The following OTUD7A variants were observed in gnomAD, a reference collection of about 807,000 sequenced individuals.
OTUD7A encodes OTU domain-containing protein 7A.
A neutral mutation model predicts 65.7 loss-of-function variants in OTUD7A; 12 were observed. The ratio of observed to expected loss-of-function variants is 0.18; its 90% CI spans 0.12 to 0.30. The LOEUF (loss-of-function observed/expected upper bound fraction) is 0.30. Among genes scored for constraint, OTUD7A ranks in the 10% least tolerant of loss-of-function variants. The pLI, the probability that OTUD7A is intolerant of heterozygous loss-of-function variation, is 1.00. For missense variants in OTUD7A, 1,148 were observed against 1,304.8 expected (o/e 0.88, Z 1.85); for synonymous variants, 641 against 586.3 (o/e 1.09, Z -1.35).
At position 31,731,266 on chromosome 15, in the gene OTUD7A, A is replaced by G. The variant is rs1351250569; in HGVS notation, c.-99-74189T>C. Among the ~76,000 whole-genome samples, 13 of 152,220 alleles carry G rather than the reference A, an allele frequency of 8.5e-5. 1 individual carries two copies. ...TGCATTCTAAAAGAGTAAGATAAGA[A>G]CGCAGATGTTTACAGCAGATTTATT... On this transcript the variant is annotated intron_variant, in intron 1 of 12. Coordinates refer to ENST00000307050, the MANE Select transcript of OTUD7A (RefSeq NM_001382637.1).
chr15:31,749,571 C>T (rs1262339259), intron 1 of OTUD7A, among the ~76,000 whole-genome samples: 1 of 152,110 alleles, frequency 6.6e-6, no homozygotes, highest in Non-Finnish European at 1.5e-5. Flanking sequence ...CAGTAGAGTG[C>T]ATTTTAAAAG....
chr15:31,552,716 C>A (rs1034666650), intron 5 of OTUD7A, among the ~76,000 whole-genome samples: 1 of 152,366 alleles, frequency 6.6e-6, no homozygotes, highest in Admixed American at 6.5e-5. Flanking sequence ...AGGCCCTATG[C>A]CCAGGGTTGC....
intron 4 of OTUD7A, among the ~76,000 whole-genome samples, chr15:31,564,301 G>C (rs1015258900): frequency 6.6e-6 from 1 of 150,802 alleles, no homozygotes; most frequent in Non-Finnish European, 1.5e-5. Flanking sequence ...GAAAATTTAA[G>C]TATACCATGT....
At chr15:31,767,986 C>T in intron 1 of OTUD7A, 1 of 1,578,570 alleles carries the variant, frequency 6.3e-7, no homozygotes, top group Non-Finnish European at 8.7e-7. Context: ...ATTTCCTCAA[C>T]AGTTGTTGCC....
At chr15:31,641,355 T>C (rs868424353) in intron 3 of OTUD7A, among the ~76,000 whole-genome samples, 3 of 152,330 alleles carry the variant, frequency 2.0e-5, no homozygotes, top group East Asian at 3.9e-4. Context: ...TATTTCTTCA[T>C]AGCAATGTGA....
chr15:31,631,602 G>C lies in OTUD7A; in HGVS notation c.151+23494C>G, dbSNP rs1053466528. 1.2e-4 allele frequency among the ~76,000 whole-genome samples: 19 copies of C among 152,178 alleles called. No individual in the cohort carries two copies. In the East Asian group the frequency reaches 3.7e-3, roughly 29 times the overall value. ...TCTTCTCGAGGAGTATCTTTGTGGC[G>C]TTCTCTGTATTTCCTGAATCTGAAT... On this transcript the variant is annotated intron_variant, in intron 3 of 12. Coordinates refer to ENST00000307050, the MANE Select transcript of OTUD7A (RefSeq NM_001382637.1).
rs565301385 is a variant in OTUD7A at position 31,479,975 on chromosome 15, C to T, written c.*3319G>A. 1 of 152,188 alleles carries T rather than the reference C, an allele frequency of 6.6e-6. No homozygotes were observed. The highest frequency in any genetic ancestry group is 2.1e-4 in the South Asian group (1 of 4,806). The allele number at this position is 152,188 out of a possible 1,614,324, so 9.4% of individuals were successfully genotyped here. On this transcript the variant is annotated 3_prime_UTR_variant, in exon 13 of 13. Transcript: ENST00000307050. ...AATCCATGAACAGAAAAAAGGAAAT[C>T]AAGCTTTCAATAAAAAAAGACACTG...
intron 3 of OTUD7A, among the ~76,000 whole-genome samples, chr15:31,642,072 G>C (rs756379751): frequency 4.6e-5 from 7 of 152,192 alleles, no homozygotes; most frequent in Non-Finnish European, 8.8e-5. Flanking sequence ...ATATAAGATT[G>C]AGGAAGTTTT....
chr15:31,599,947 G>T (rs1482292590), intron 3 of OTUD7A, among the ~76,000 whole-genome samples: 4 of 152,094 alleles, frequency 2.6e-5, no homozygotes, highest in Non-Finnish European at 5.9e-5. Flanking sequence ...AGAGAAAAAA[G>T]AATGAAAAGG....
intron 8 of OTUD7A, among the ~76,000 whole-genome samples, chr15:31,507,067 TTTAA>T (rs1236570270): frequency 2.6e-5 from 4 of 152,360 alleles, no homozygotes; most frequent in Non-Finnish European, 1.5e-5. Flanking sequence ...AAGGTCTGTC[TTTAA>T]TTTTTTATTT....
At chr15:31,795,786 CT>C (rs1895935930) in intron 1 of OTUD7A, among the ~76,000 whole-genome samples, 1 of 152,208 alleles carries the variant, frequency 6.6e-6, no homozygotes, top group Admixed American at 6.5e-5. Flanking sequence ...TGGAAGCATG[CT>C]TGGGCCTTTG....
chr15:31,486,992 G>A (rs2041246885), intron 12 of OTUD7A, among the ~76,000 whole-genome samples: 1 of 152,192 alleles, frequency 6.6e-6, no homozygotes, highest in African/African-American at 2.4e-5. Flanking sequence ...GCCATAGCCA[G>A]GGTGGCCCCA....
chr15:31,639,946 C>T (rs1349629560), intron 3 of OTUD7A, among the ~76,000 whole-genome samples: 3 of 152,212 alleles, frequency 2.0e-5, no homozygotes, highest in South Asian at 2.1e-4. Flanking sequence ...GCAGTATTTT[C>T]TTCCAACTTG....
At chr15:31,714,800 C>A (rs1303090651) in intron 1 of OTUD7A, among the ~76,000 whole-genome samples, 1 of 152,194 alleles carries the variant, frequency 6.6e-6, no homozygotes, top group Non-Finnish European at 1.5e-5. Context: ...CAGTCTGCCC[C>A]TTTCTCCAAT....
At chr15:31,548,943 C>A (rs1217210875) in intron 5 of OTUD7A, among the ~76,000 whole-genome samples, 2 of 152,044 alleles carry the variant, frequency 1.3e-5, no homozygotes, top group African/African-American at 2.4e-5. Flanking sequence ...CAAGACCAGA[C>A]TGACCAACAT....
At chr15:31,501,948 CGGAGGGACA>C (rs1346653896) in intron 9 of OTUD7A, 109 bp from the exon 10 acceptor site, 2 of 1,268,274 alleles carry the variant, frequency 1.6e-6, no homozygotes, top group African/African-American at 3.0e-5. Flanking sequence ...CGTGGAGAAG[CGGAGGGACA>C]GGAGGGGTGG....
At chr15:31,638,062 T>A (rs888813593) in intron 3 of OTUD7A, among the ~76,000 whole-genome samples, 1 of 152,206 alleles carries the variant, frequency 6.6e-6, no homozygotes, top group African/African-American at 2.4e-5. Flanking sequence ...TAAAATGCTA[T>A]CAAATAGCAT....
chr15:31,637,108 G>A (rs1305922917), intron 3 of OTUD7A, among the ~76,000 whole-genome samples: 2 of 152,190 alleles, frequency 1.3e-5, no homozygotes, highest in Admixed American at 6.6e-5. Flanking sequence ...GATGTTCAAT[G>A]TAGACAACAC....
At chr15:31,591,438 C>T (rs143560112) in intron 3 of OTUD7A, among the ~76,000 whole-genome samples, 17 of 152,270 alleles carry the variant, frequency 1.1e-4, no homozygotes, top group African/African-American at 2.2e-4. Flanking sequence ...AACTGGGCAA[C>T]GCACATTGCC....
Sources: gnomAD v4.1 joint callset for allele counts (sites outside exome capture counted in the v4.1 genomes callset) on GRCh38, gnomAD v4.1.1 for gene constraint, MANE v1.5 for transcripts, NCBI Gene and HGNC (gene_info 2026-07-23, HGNC 2026-07-21) for gene names.